Variants in USP22 observed in about 807,000 individuals in gnomAD.
USP22 encodes ubiquitin specific peptidase 22.
In USP22, 22 loss-of-function variants were observed where a neutral mutation model predicts 68.1. That is an observed-to-expected ratio of 0.32 (90% CI 0.23 to 0.46). The LOEUF (loss-of-function observed/expected upper bound fraction) is 0.46, where lower values mean the gene tolerates loss of function less well. Ranked by LOEUF, USP22 falls within the 20% of genes least tolerant of loss-of-function variation. The pLI, the probability that USP22 is intolerant of heterozygous loss-of-function variation, is 1.00. For missense variants in USP22, 433 were observed against 695.8 expected (o/e 0.62, Z 4.25); for synonymous variants, 279 against 274.2 (o/e 1.02, Z -0.17).
intron 1 of USP22, among the ~76,000 whole-genome samples, chr17:21,037,816 G>T (rs1023291656): frequency 2.0e-5 from 3 of 152,184 alleles, no homozygotes; most frequent in East Asian, 3.8e-4. Flanking sequence ...TGAGATGGTG[G>T]ATTATATTGA....
At position 21,011,218 on chromosome 17, in the gene USP22, C is replaced by T. The variant is rs757267657; in HGVS notation, c.1036G>A (p.Glu346Lys). ...CTTTCCCCGTTTACCACGTTGCCCT[C>T]GCTCCCTGGGCTCAGGGGCCAGAAT... ...TPFWPLSPGSEGNVVNGESHV... is the reference protein window; with the variant it reads ...TPFWPLSPGSKGNVVNGESHV... Residue 346 changes from glutamate to lysine, a missense_variant, in exon 8 of 13, where the codon GAG becomes AAG. By Grantham distance (56) the Glu-to-Lys change is moderately conservative (BLOSUM62 1). Transcript: ENST00000261497. The T allele has an allele frequency of 5.6e-6, 9 of 1,611,556 alleles. No homozygotes were observed. Among genetic ancestry groups the T allele is most frequent in the East Asian group, 2.2e-5 (1 of 44,752 alleles).
Position 21,042,931 on chromosome 17 carries a change from G to T in USP22, c.-96C>A. The stretch of plus-strand genomic sequence containing the variant: ...GGGCTGCTCGGCGGCTGGCCAGGCT[G>T]GCCAAGGCCCGGGCGCCGAGAACAA... On this transcript the variant is annotated 5_prime_UTR_variant, in exon 1 of 13. Coordinates refer to ENST00000261497, the MANE Select transcript of USP22 (RefSeq NM_015276.2). 1 of 839,910 alleles carries T rather than the reference G, an allele frequency of 1.2e-6. No homozygotes were observed. Among genetic ancestry groups the T allele is most frequent in the Non-Finnish European group, 1.6e-6 (1 of 641,680 alleles). 52.0% of individuals were successfully genotyped at this position (839,910 alleles called of 1,614,324 possible).
chr17:21,037,949 A>C (rs1017550406), intron 1 of USP22, among the ~76,000 whole-genome samples: 1 of 152,232 alleles, frequency 6.6e-6, no homozygotes, highest in African/African-American at 2.4e-5. Flanking sequence ...CAGTATGTCA[A>C]TCTACAATGA....
intron 1 of USP22, among the ~76,000 whole-genome samples, chr17:21,034,760 T>C (rs975358923): frequency 1.1e-4 from 17 of 152,178 alleles, no homozygotes; most frequent in African/African-American, 4.1e-4. Context: ...AGAGTACTGA[T>C]GCTGCAATTT....
chr17:21,026,833 G>A (rs1390228418), intron 2 of USP22, among the ~76,000 whole-genome samples: 18 of 146,412 alleles, frequency 1.2e-4, no homozygotes, highest in Non-Finnish European at 6.0e-5. Context: ...ACAGATTCTC[G>A]CTGTGTTGTC....
At chr17:21,003,155 AC>A in intron 12 of USP22, 82 bp from the exon 13 acceptor site, 1 of 1,538,168 alleles carries the variant, frequency 6.5e-7, no homozygotes, top group Non-Finnish European at 9.0e-7. Context: ...ACAAAAGCCT[AC>A]GTGCTCTGCG....
Position 21,042,989 on chromosome 17 carries a change from G to T in USP22, c.-154C>A. 2.7e-6 allele frequency: 1 copy of T among 374,226 alleles called. No homozygotes were observed. Among genetic ancestry groups the T allele is most frequent in the East Asian group, 4.8e-5 (1 of 20,894 alleles). 23.2% of individuals were successfully genotyped at this position (374,226 alleles called of 1,614,324 possible). ...AGGCCGGACAAAGATGGGGCTGCGC[G>T]ATCGCCGAGGGGAGGCTGCAAGGCA... is the stretch of plus-strand genomic sequence containing the variant. On this transcript the variant is annotated 5_prime_UTR_variant, in exon 1 of 13. Coordinates refer to ENST00000261497, the MANE Select transcript of USP22 (RefSeq NM_015276.2).
intron 1 of USP22, among the ~76,000 whole-genome samples, chr17:21,040,593 A>G (rs879328761): frequency 1.3e-5 from 2 of 152,166 alleles, no homozygotes; most frequent in Non-Finnish European, 2.9e-5. Context: ...AATCAGAGCC[A>G]TAAGTAGCGC....
rs1240034312 is a variant in USP22, at chr17:21,002,351, T to C, written c.*680A>G. ...TTTACTAGTATTACATTTATGAAATTCACCTTTGTGGAAAAAGGAGCGGGA... is the reference window on the plus strand; with the variant it reads ...TTTACTAGTATTACATTTATGAAATCCACCTTTGTGGAAAAAGGAGCGGGA... On this transcript the variant is annotated 3_prime_UTR_variant, in exon 13 of 13. Transcript: ENST00000261497. The C allele has an allele frequency of 6.6e-6, 1 of 152,276 alleles. No individual in the cohort carries two copies. The highest frequency in any genetic ancestry group is 1.9e-4 in the East Asian group (1 of 5,198). 9.4% of individuals were successfully genotyped at this position (152,276 alleles called of 1,614,324 possible).
chr17:21,039,879 A>G (rs1182989953), intron 1 of USP22, among the ~76,000 whole-genome samples: 2 of 152,104 alleles, frequency 1.3e-5, no homozygotes, highest in Non-Finnish European at 2.9e-5. Flanking sequence ...CATCAGCTTA[A>G]AGTACTTTTA....
chr17:21,013,386 C>A (rs1406587793), intron 6 of USP22, among the ~76,000 whole-genome samples: 1 of 152,236 alleles, frequency 6.6e-6, no homozygotes, highest in Non-Finnish European at 1.5e-5. Flanking sequence ...AGGACACAGG[C>A]TGTCCTCATC....
intron 6 of USP22, 150 bp from the exon 7 acceptor site, chr17:21,013,085 G>A (rs538917779): frequency 3.3e-6 from 2 of 599,236 alleles, no homozygotes; most frequent in Admixed American, 6.2e-5. Flanking sequence ...AGCAGAGGGT[G>A]TCCTTGTTAT....
chr17:21,021,099 A>AG lies in USP22; in HGVS notation c.418+13dup. ...ACTGCAGGATCAAGCAGGTAAACTGAGGTGGAACCAAACCTTGCATTTTCC... is the reference window on the plus strand; with the variant it reads ...ACTGCAGGATCAAGCAGGTAAACTGAGGGTGGAACCAAACCTTGCATTTTCC... On this transcript the variant is annotated intron_variant, in intron 3 of 12. Transcript: ENST00000261497. The AG allele has an allele frequency of 6.2e-7, 1 of 1,600,938 alleles. No homozygotes were observed. The highest frequency in any genetic ancestry group is 8.6e-7 in the Non-Finnish European group (1 of 1,168,068).
chr17:21,035,818 C>T (rs1031702334), intron 1 of USP22, among the ~76,000 whole-genome samples: 5 of 151,958 alleles, frequency 3.3e-5, no homozygotes, highest in Admixed American at 6.6e-5. Flanking sequence ...ATCACAAGGT[C>T]AGGAGATCGA....
At chr17:21,003,965 C>CT (rs1913688052) in intron 12 of USP22, among the ~76,000 whole-genome samples, 1 of 151,738 alleles carries the variant, frequency 6.6e-6, no homozygotes, top group Admixed American at 6.6e-5. Flanking sequence ...AACAACTGCT[C>CT]TGACGTTCTC....
At chr17:21,008,788 A>T (rs1913857339) in intron 8 of USP22, among the ~76,000 whole-genome samples, 1 of 152,108 alleles carries the variant, frequency 6.6e-6, no homozygotes, top group Non-Finnish European at 1.5e-5. Flanking sequence ...TAAGCAGTTT[A>T]ATGTAGAGAG....
At chr17:21,016,021 T>G (rs7213684) in intron 5 of USP22, 122 bp from the exon 6 acceptor site, 990,581 of 1,275,450 alleles carry the variant, frequency 0.78, 388,425 homozygotes, top group South Asian at 0.84. Context: ...GACACAAATG[T>G]TTGGATTTTA....
rs551455657 is a variant in USP22 at position 21,001,792 on chromosome 17, G to A, written c.*1239C>T. On this transcript the variant is annotated 3_prime_UTR_variant, in exon 13 of 13. Transcript: ENST00000261497. ...GTTTCTAATTTCTCAGTGGACAAAT[G>A]GACAAACCATCTCTGTTTGAATTTG... 6.6e-6 allele frequency: 1 copy of A among 152,302 alleles called. No homozygotes were observed. Among genetic ancestry groups the A allele is most frequent in the Non-Finnish European group, 1.5e-5 (1 of 68,024 alleles). 9.4% of individuals were successfully genotyped at this position (152,302 alleles called of 1,614,324 possible). A position where few individuals can be genotyped will look rare whatever the true frequency, so the allele number is the denominator to read the frequency against.
intron 5 of USP22, 31 bp from the exon 6 acceptor site, chr17:21,015,930 A>G: frequency 6.2e-7 from 1 of 1,610,896 alleles, no homozygotes; most frequent in East Asian, 2.2e-5. Context: ...AAACCTTGTC[A>G]GGAATAAATG....
Sources: gnomAD v4.1 joint callset for allele counts (sites outside exome capture counted in the v4.1 genomes callset) on GRCh38, gnomAD v4.1.1 for gene constraint, MANE v1.5 for transcripts, NCBI Gene and HGNC (gene_info 2026-07-23, HGNC 2026-07-21) for gene names.